Variants in DGKB observed in about 807,000 individuals in gnomAD.
DGKB encodes the protein diacylglycerol kinase beta.
DGKB carries 67 observed loss-of-function variants against 114.3 expected under a neutral mutation model. The observed-to-expected ratio is 0.59, with a 90% CI of 0.48 to 0.72. The LOEUF (loss-of-function observed/expected upper bound fraction) is 0.72, where lower values mean the gene tolerates loss of function less well. Ranked by LOEUF, DGKB falls within the 30% of genes least tolerant of loss-of-function variation. DGKB has a pLI of 0.00. For missense variants in DGKB, 907 were observed against 975.2 expected (o/e 0.93, Z 0.93); for synonymous variants, 398 against 323.1 (o/e 1.23, Z -2.49).
chr7:14,676,286 C>T (rs1308932000), intron 12 of DGKB, among the ~76,000 whole-genome samples: 4 of 152,024 alleles, frequency 2.6e-5, no homozygotes, highest in African/African-American at 9.7e-5. Flanking sequence ...ATATAAATGC[C>T]TTTCTGTATG....
At chr7:14,910,314 G>GAAAGAAAGAAAGAAAGAAAGAAAGAAAA (rs1209418948) in intron 1 of DGKB, among the ~76,000 whole-genome samples, 3 of 132,250 alleles carry the variant, frequency 2.3e-5, no homozygotes, top group Admixed American at 7.8e-5. Context: ...AAGAAAGAAA[G>GAAAGAAAGAAAGAAAGAAAGAAAGAAAA]AACCTTATAT....
At chr7:14,666,587 A>C (rs1456189047) in intron 13 of DGKB, among the ~76,000 whole-genome samples, 1 of 151,978 alleles carries the variant, frequency 6.6e-6, no homozygotes, top group Non-Finnish European at 1.5e-5. Context: ...ATCAGTTGGG[A>C]AGGGTTAATG....
At chr7:14,705,443 G>A (rs199594722) in intron 6 of DGKB, among the ~76,000 whole-genome samples, 1 of 151,398 alleles carries the variant, frequency 6.6e-6, no homozygotes, top group East Asian at 2.0e-4. Flanking sequence ...GCAGGCCAAC[G>A]TTCAGATTCA....
intron 20 of DGKB, among the ~76,000 whole-genome samples, chr7:14,531,940 C>T (rs1791651801): frequency 1.3e-5 from 2 of 150,816 alleles, no homozygotes; most frequent in South Asian, 4.2e-4. Context: ...GAACTTTTAT[C>T]ATGCTAGTGA....
intron 20 of DGKB, among the ~76,000 whole-genome samples, chr7:14,502,993 A>T (rs1786442659): frequency 6.6e-6 from 1 of 152,128 alleles, no homozygotes; most frequent in African/African-American, 2.4e-5. Flanking sequence ...AGACAGCTTA[A>T]CATTTGAGAG....
upstream of DGKB, among the ~76,000 whole-genome samples, chr7:14,906,447 C>CTTTTTTTTTTT (rs34250901): frequency 1.5e-3 from 154 of 103,882 alleles, no homozygotes; most frequent in Non-Finnish European, 2.5e-3. Flanking sequence ...TTTTTTCTGT[C>CTTTTTTTTTTT]TTTTTTTTTT....
intron 23 of DGKB, among the ~76,000 whole-genome samples, chr7:14,214,432 A>G (rs567853249): frequency 1.3e-5 from 2 of 152,164 alleles, no homozygotes; most frequent in Non-Finnish European, 2.9e-5. Flanking sequence ...AATAAGGAGA[A>G]AAAATCTGCT....
chr7:14,498,445 G>C (rs369152033), intron 20 of DGKB, among the ~76,000 whole-genome samples: 1 of 151,734 alleles, frequency 6.6e-6, no homozygotes, highest in African/African-American at 2.4e-5. Flanking sequence ...AAACTTGAGT[G>C]ATCTGTAGAA....
rs1172236940 is a variant in DGKB, at chr7:14,706,072, T to A, written c.467-4342A>T. Among the ~76,000 whole-genome samples the A allele has an allele frequency of 7.1e-3, 1,049 of 147,832 alleles. 11 individuals are homozygous for A. Among genetic ancestry groups the A allele is most frequent in the African/African-American group, 0.026 (1,019 of 39,470 alleles). On this transcript the variant is annotated intron_variant, in intron 6 of 25. Transcript: ENST00000402815. ...CAGTGTGCTGTATTCAGGAAACCCA[T>A]CTCACGTGCAGAGACACACATAGGC... is the stretch of plus-strand genomic sequence containing the variant.
At chr7:14,566,923 T>G (rs1797470156) in intron 20 of DGKB, among the ~76,000 whole-genome samples, 1 of 151,338 alleles carries the variant, frequency 6.6e-6, no homozygotes, top group South Asian at 2.1e-4. Context: ...GATCTACGGT[T>G]GATGTCCTTC....
intron 2 of DGKB, among the ~76,000 whole-genome samples, chr7:14,778,973 T>C (rs1402715702): frequency 6.6e-6 from 1 of 152,102 alleles, no homozygotes; most frequent in Non-Finnish European, 1.5e-5. Context: ...CTGGCCAACA[T>C]GGTGAAACCC....
intron 9 of DGKB, among the ~76,000 whole-genome samples, chr7:14,690,908 C>T (rs1822736572): frequency 6.6e-6 from 1 of 152,132 alleles, no homozygotes. Flanking sequence ...ACAAAGCCAT[C>T]CAAATTCTCA....
intron 17 of DGKB, among the ~76,000 whole-genome samples, chr7:14,593,329 T>G (rs1308552327): frequency 2.0e-5 from 3 of 152,080 alleles, no homozygotes; most frequent in African/African-American, 4.8e-5. Context: ...TTAAATAACT[T>G]TAATATTCCT....
At chr7:14,266,800 GTTTAT>G (rs1254382670) in intron 23 of DGKB, among the ~76,000 whole-genome samples, 1 of 152,070 alleles carries the variant, frequency 6.6e-6, no homozygotes, top group Non-Finnish European at 1.5e-5. Flanking sequence ...AGACAATACT[GTTTAT>G]TTTAATATAA....
intron 23 of DGKB, among the ~76,000 whole-genome samples, chr7:14,238,359 C>T (rs1054044276): frequency 1.3e-5 from 2 of 152,008 alleles, no homozygotes; most frequent in Non-Finnish European, 2.9e-5. Flanking sequence ...CTTGCTTCTT[C>T]TTCTGCCCTA....
chr7:14,879,225 T>C (rs921784300), intron 1 of DGKB, among the ~76,000 whole-genome samples: 1 of 151,934 alleles, frequency 6.6e-6, no homozygotes. Flanking sequence ...AAAATATTCA[T>C]GACCTGAGGT....
chr7:14,428,981 T>C (rs552431250), intron 21 of DGKB, among the ~76,000 whole-genome samples: 1 of 152,134 alleles, frequency 6.6e-6, no homozygotes, highest in Admixed American at 6.6e-5. Context: ...AAGTTGGTGG[T>C]TTAATAATAC....
intron 23 of DGKB, among the ~76,000 whole-genome samples, chr7:14,295,533 G>C (rs1247725919): frequency 6.6e-6 from 1 of 151,816 alleles, no homozygotes; most frequent in Non-Finnish European, 1.5e-5. Flanking sequence ...TTTCCTGCCT[G>C]AGCTTGGAGC....
chr7:14,545,622 G>T (rs1366557690), intron 20 of DGKB, among the ~76,000 whole-genome samples: 2 of 152,122 alleles, frequency 1.3e-5, no homozygotes, highest in African/African-American at 4.8e-5. Flanking sequence ...ATCAGCTTCC[G>T]CCACAAATCT....
Sources: gnomAD v4.1 joint callset for allele counts (sites outside exome capture counted in the v4.1 genomes callset) on GRCh38, gnomAD v4.1.1 for gene constraint, MANE v1.5 for transcripts, NCBI Gene and HGNC (gene_info 2026-07-23, HGNC 2026-07-21) for gene names.